CCDC50: variants seen among roughly 807,000 people sequenced by gnomAD.
CCDC50 encodes coiled-coil domain-containing protein 50.
A neutral mutation model predicts 70.2 loss-of-function variants in CCDC50; 54 were observed. The observed-to-expected ratio is 0.77, with a 90% CI of 0.62 to 0.96. The LOEUF is 0.96. Among genes scored for constraint, CCDC50 ranks in the 50% least tolerant of loss-of-function variants. The pLI, the probability that CCDC50 is intolerant of heterozygous loss-of-function variation, is 0.00. For synonymous variants in CCDC50, 216 were observed against 198.8 expected (o/e 1.09, Z -0.73); for missense variants, 558 against 578.7 (o/e 0.96, Z 0.37).
chr3:191,375,726 A>G (rs559989654), intron 6 of CCDC50, 137 bp downstream of exon 6: 3 of 926,060 alleles, frequency 3.2e-6, no homozygotes, highest in Non-Finnish European at 5.0e-6. Flanking sequence ...CTAGAGCAAC[A>G]TATTATAAAA....
chr3:191,339,919 T>G (rs1409009765), intron 1 of CCDC50, among the ~76,000 whole-genome samples: 1 of 152,184 alleles, frequency 6.6e-6, no homozygotes, highest in African/African-American at 2.4e-5. Flanking sequence ...TGTTGTTATC[T>G]TGGATGCTAG....
chr3:191,362,485 C>T (rs976145519), intron 4 of CCDC50, among the ~76,000 whole-genome samples: 2 of 152,154 alleles, frequency 1.3e-5, no homozygotes, highest in African/African-American at 4.8e-5. Flanking sequence ...TGCTACCCTG[C>T]TTTCACACCT....
At chr3:191,363,366 T>C (rs1423475666) in intron 4 of CCDC50, among the ~76,000 whole-genome samples, 1 of 152,222 alleles carries the variant, frequency 6.6e-6, no homozygotes, top group Non-Finnish European at 1.5e-5. Context: ...ATGTGGACTT[T>C]GGAGTTACAC....
chr3:191,375,338 G>A lies in CCDC50; in HGVS notation c.725G>A (p.Ser242Asn), dbSNP rs1238249083. Residue 242 changes from serine to asparagine, a missense_variant, in exon 6 of 12, where the codon AGT becomes AAT. Ser to Asn is a conservative substitution (Grantham distance 46, BLOSUM62 1). Transcript: ENST00000392455. ...CGGAGACCTCTGCTTCCCACGATCA[G>A]TGGTGAAGTGTTTCTGAGCACTGAA... is the stretch of plus-strand genomic sequence containing the variant. ...RPRRPLLPTI[S>N]GEVFLSTECD... is the part of the protein sequence containing the mutation. 5.6e-6 allele frequency: 9 copies of A among 1,613,708 alleles called. No homozygotes were observed. Among genetic ancestry groups the A allele is most frequent in the Non-Finnish European group, 5.9e-6 (7 of 1,179,824 alleles).
chr3:191,374,909 A>T (rs889271913), intron 5 of CCDC50, among the ~76,000 whole-genome samples, 153 bp from the exon 6 acceptor site: 1 of 152,178 alleles, frequency 6.6e-6, no homozygotes, highest in African/African-American at 2.4e-5. Flanking sequence ...AGTAATGCTC[A>T]TCCCCTCTTC....
chr3:191,335,794 C>T (rs73201630), intron 1 of CCDC50, among the ~76,000 whole-genome samples: 13,951 of 152,056 alleles, frequency 0.092, 694 homozygotes, highest in East Asian at 0.25. Context: ...TCAAGTTCAG[C>T]GAATAATTTA....
intron 5 of CCDC50, among the ~76,000 whole-genome samples, chr3:191,372,429 C>A (rs965623701): frequency 6.6e-6 from 1 of 152,112 alleles, no homozygotes; most frequent in Admixed American, 6.6e-5. Flanking sequence ...AGACCAAGTG[C>A]AGTTCCACAG....
rs1713706523 is a variant in CCDC50, at chr3:191,391,814, G to A, written c.*54G>A. On this transcript the variant is annotated 3_prime_UTR_variant, in exon 12 of 12. Transcript: ENST00000392455. ...CTCACTATAGCAAATATTACTGGGT[G>A]ATACAGAATGAATTCTACACTTACT... 10 of 1,487,838 alleles carry A rather than the reference G, an allele frequency of 6.7e-6. No homozygotes were observed. Among genetic ancestry groups the A allele is most frequent in the Non-Finnish European group, 7.5e-6 (8 of 1,067,494 alleles). The allele number at this position is 1,487,838 out of a possible 1,614,324, so 92.2% of individuals were successfully genotyped here.
chr3:191,385,379 A>G (rs1459272935), intron 10 of CCDC50, among the ~76,000 whole-genome samples: 1 of 152,022 alleles, frequency 6.6e-6, no homozygotes, highest in African/African-American at 2.4e-5. Flanking sequence ...ATAGTATCTC[A>G]TTGTGGTTTT....
In CCDC50 at chr3:191,364,130, G is replaced by A. The variant is rs139547895; in HGVS notation, c.330+2971G>A. Reference sequence around the variant, plus strand: ...TGTCTCCAGGCTGGAGTATAGTGGCGCAATCTTCGCTCACTGCAACCACTG... The same window carrying A: ...TGTCTCCAGGCTGGAGTATAGTGGCACAATCTTCGCTCACTGCAACCACTG... On this transcript the variant is annotated intron_variant, in intron 4 of 11. Coordinates refer to ENST00000392455, the MANE Select transcript of CCDC50 (RefSeq NM_178335.3). 2.0e-3 allele frequency among the ~76,000 whole-genome samples: 305 copies of A among 151,096 alleles called. 1 individual carries two copies. Among genetic ancestry groups the A allele is most frequent in the Middle Eastern group, 6.8e-3 (2 of 294 alleles).
rs1353217284 is a variant in CCDC50 at position 191,396,530 on chromosome 3, G to A, written c.*4770G>A. 6.6e-6 allele frequency: 1 copy of A among 152,172 alleles called. No homozygotes were observed. The highest frequency in any genetic ancestry group is 1.5e-5 in the Non-Finnish European group (1 of 68,032). 9.4% of individuals were successfully genotyped at this position (152,172 alleles called of 1,614,324 possible). A position where few individuals can be genotyped will look rare whatever the true frequency, so the allele number is the denominator to read the frequency against. On this transcript the variant is annotated 3_prime_UTR_variant, in exon 12 of 12. Transcript: ENST00000392455. ...CTTCTTGAGTAACTGAGAGTTGACTGTCTTCTATGGTGACTACATAGAAGA... is the reference window on the plus strand; with the variant it reads ...CTTCTTGAGTAACTGAGAGTTGACTATCTTCTATGGTGACTACATAGAAGA...
At chr3:191,364,865 G>T (rs1343460432) in intron 4 of CCDC50, among the ~76,000 whole-genome samples, 1 of 151,530 alleles carries the variant, frequency 6.6e-6, no homozygotes, top group African/African-American at 2.4e-5. Context: ...CTCTCACTCT[G>T]TCTTGCTCTT....
intron 1 of CCDC50, among the ~76,000 whole-genome samples, chr3:191,335,082 A>G (rs994349695): frequency 1.3e-5 from 2 of 152,204 alleles, no homozygotes; most frequent in Admixed American, 1.3e-4. Flanking sequence ...GTCATAGGCC[A>G]TGGTCTTTCC....
In CCDC50 at chr3:191,375,339, T is replaced by C. The variant is rs570376411; in HGVS notation, c.726T>C (p.Ser242=). The C allele has an allele frequency of 6.2e-6, 10 of 1,613,584 alleles. No individual in the cohort carries two copies. The Admixed American group carries it at 1.3e-4, about 22-fold the overall frequency. The change falls in exon 6 of 12, where the codon AGT becomes AGC. Residue 242 remains serine, a synonymous_variant. Transcript: ENST00000392455. ...GGAGACCTCTGCTTCCCACGATCAG[T>C]GGTGAAGTGTTTCTGAGCACTGAAT... The part of the protein sequence containing the change: ...RPRRPLLPTI[S]GEVFLSTECD...
At chr3:191,343,174 G>T (rs1242439765) in intron 1 of CCDC50, among the ~76,000 whole-genome samples, 1 of 152,170 alleles carries the variant, frequency 6.6e-6, no homozygotes, top group Non-Finnish European at 1.5e-5. Flanking sequence ...ATCTGTGGGG[G>T]TGCTGGAACC....
intron 1 of CCDC50, among the ~76,000 whole-genome samples, chr3:191,355,608 C>A (rs1010391268): frequency 1.3e-5 from 2 of 152,118 alleles, no homozygotes; most frequent in East Asian, 3.8e-4. Context: ...CTTTCAGTTT[C>A]CTCACTTATT....
At chr3:191,342,519 A>G (rs1711767388) in intron 1 of CCDC50, among the ~76,000 whole-genome samples, 1 of 152,172 alleles carries the variant, frequency 6.6e-6, no homozygotes, top group South Asian at 2.1e-4. Flanking sequence ...GAAGCCAATA[A>G]ACTAAAATGG....
intron 6 of CCDC50, among the ~76,000 whole-genome samples, chr3:191,376,513 C>G (rs1407401617): frequency 6.6e-6 from 1 of 152,046 alleles, no homozygotes; most frequent in Non-Finnish European, 1.5e-5. Context: ...TACCAAGGAG[C>G]CAGTCAAGCT....
At chr3:191,390,286 A>G (rs1205126909) in intron 11 of CCDC50, among the ~76,000 whole-genome samples, 1 of 152,098 alleles carries the variant, frequency 6.6e-6, no homozygotes, top group African/African-American at 2.4e-5. Context: ...CACCTCCCAC[A>G]TAACTGTTAT....
Sources: gnomAD v4.1 joint callset for allele counts (sites outside exome capture counted in the v4.1 genomes callset) on GRCh38, gnomAD v4.1.1 for gene constraint, MANE v1.5 for transcripts, NCBI Gene and HGNC (gene_info 2026-07-23, HGNC 2026-07-21) for gene names.